The following CTNND2 variants were observed in gnomAD, a reference collection of about 807,000 sequenced individuals.
CTNND2 encodes the protein catenin delta-2.
A neutral mutation model predicts 144.4 loss-of-function variants in CTNND2; 22 were observed. That is an observed-to-expected ratio of 0.15 (90% CI 0.11 to 0.22). The LOEUF is 0.22. CTNND2 is among the 10% of genes least tolerant of loss of function. The pLI is 1.00. For missense variants in CTNND2, 1,353 were observed against 1,618.8 expected (o/e 0.84, Z 2.82); for synonymous variants, 751 against 695.6 (o/e 1.08, Z -1.25).
At chr5:11,728,133 A>C (rs1455707272) in intron 2 of CTNND2, among the ~76,000 whole-genome samples, 1 of 152,160 alleles carries the variant, frequency 6.6e-6, no homozygotes, top group East Asian at 1.9e-4. Flanking sequence ...CATATGACAC[A>C]ACATATATAA....
At chr5:11,174,082 G>C (rs1006200876) in intron 11 of CTNND2, among the ~76,000 whole-genome samples, 1 of 152,174 alleles carries the variant, frequency 6.6e-6, no homozygotes, top group Admixed American at 6.5e-5. Context: ...TGGGGGTGCA[G>C]GGAGATGGAG....
chr5:11,448,267 G>C (rs988621480), intron 3 of CTNND2, among the ~76,000 whole-genome samples: 1 of 152,068 alleles, frequency 6.6e-6, no homozygotes, highest in Non-Finnish European at 1.5e-5. Context: ...GGAATACTGA[G>C]GTTATGAATT....
chr5:11,368,165 C>G (rs1757150626), intron 7 of CTNND2, among the ~76,000 whole-genome samples: 1 of 152,152 alleles, frequency 6.6e-6, no homozygotes, highest in African/African-American at 2.4e-5. Flanking sequence ...TGGAATTTCC[C>G]TAGATATGTT....
intron 2 of CTNND2, among the ~76,000 whole-genome samples, chr5:11,636,388 G>A (rs748580579): frequency 7.2e-5 from 11 of 152,022 alleles, no homozygotes; most frequent in African/African-American, 2.2e-4. Context: ...AGAATACAGC[G>A]CTTTGTTATA....
chr5:11,488,647 C>T (rs1769081697), intron 3 of CTNND2, among the ~76,000 whole-genome samples: 1 of 152,080 alleles, frequency 6.6e-6, no homozygotes, highest in African/African-American at 2.4e-5. Context: ...TAACTAGTAG[C>T]ATAATCAAAA....
At chr5:11,492,291 G>A (rs1278074719) in intron 3 of CTNND2, among the ~76,000 whole-genome samples, 1 of 152,186 alleles carries the variant, frequency 6.6e-6, no homozygotes, top group Non-Finnish European at 1.5e-5. Context: ...TTTTAGACTG[G>A]TGTTCTCGCC....
At chr5:11,262,761 C>CAAAAA (rs11289676) in intron 9 of CTNND2, among the ~76,000 whole-genome samples, 75 of 45,692 alleles carry the variant, frequency 1.6e-3, no homozygotes, top group South Asian at 2.9e-3. Flanking sequence ...GACTCTGTCT[C>CAAAAA]AAAAAAAAAA....
chr5:11,485,060 G>T (rs1355365429), intron 3 of CTNND2, among the ~76,000 whole-genome samples: 1 of 152,102 alleles, frequency 6.6e-6, no homozygotes, highest in Non-Finnish European at 1.5e-5. Flanking sequence ...TTCATGGCAG[G>T]TTACATAATA....
At chr5:11,879,389 A>ATATG (rs1735863364) in intron 1 of CTNND2, among the ~76,000 whole-genome samples, 1 of 145,896 alleles carries the variant, frequency 6.9e-6, no homozygotes, top group Non-Finnish European at 1.5e-5. Context: ...ATATACATAC[A>ATATG]TACACATATG....
intron 10 of CTNND2, among the ~76,000 whole-genome samples, chr5:11,231,173 T>C (rs780418716): frequency 2.6e-5 from 4 of 152,110 alleles, no homozygotes; most frequent in East Asian, 1.9e-4. Flanking sequence ...TCTGCCATGA[T>C]TGTAAGTTTT....
intron 9 of CTNND2, among the ~76,000 whole-genome samples, chr5:11,304,430 G>A (rs1372642962): frequency 6.6e-6 from 1 of 151,664 alleles, no homozygotes; most frequent in Non-Finnish European, 1.5e-5. Flanking sequence ...TCTCCCCCAT[G>A]CATAACACTA....
chr5:11,023,326 T>C (rs891450372), intron 16 of CTNND2, among the ~76,000 whole-genome samples: 4 of 152,198 alleles, frequency 2.6e-5, no homozygotes, highest in Non-Finnish European at 5.9e-5. Flanking sequence ...AGTGAATGTA[T>C]GGAAATGAAC....
At chr5:11,017,550 A>G (rs1741742668) in intron 18 of CTNND2, among the ~76,000 whole-genome samples, 1 of 146,952 alleles carries the variant, frequency 6.8e-6, no homozygotes, top group Non-Finnish European at 1.5e-5. Context: ...TTCCATATAT[A>G]AAGATATATA....
intron 1 of CTNND2, among the ~76,000 whole-genome samples, chr5:11,868,496 C>T (rs1795880915): frequency 1.3e-5 from 2 of 152,128 alleles, no homozygotes; most frequent in African/African-American, 4.8e-5. Context: ...TCCAACTCAA[C>T]AAGAAGAAGA....
In CTNND2 at chr5:11,117,446, C is replaced by G; in HGVS notation, c.2277+4G>C. On this transcript the variant is annotated splice_donor_region_variant and intron_variant, in intron 13 of 21. Transcript: ENST00000304623. ...CATGTTTAATCTATGCCAGCACAACCAACCTTGCTATCGATCTCACTGCTC... is the reference window on the plus strand; with the variant it reads ...CATGTTTAATCTATGCCAGCACAACGAACCTTGCTATCGATCTCACTGCTC... The G allele has an allele frequency of 6.2e-7, 1 of 1,611,770 alleles. No individual in the cohort carries two copies. Among genetic ancestry groups the G allele is most frequent in the Middle Eastern group, 1.7e-4 (1 of 6,060 alleles).
intron 17 of CTNND2, among the ~76,000 whole-genome samples, chr5:11,018,804 G>A (rs1741906880): frequency 6.6e-6 from 1 of 151,026 alleles, no homozygotes; most frequent in African/African-American, 2.4e-5. Flanking sequence ...TCTGCCTCGC[G>A]GGTTCAAGCG....
intron 2 of CTNND2, among the ~76,000 whole-genome samples, chr5:11,691,867 A>C (rs1217272545): frequency 6.6e-6 from 1 of 152,244 alleles, no homozygotes; most frequent in Non-Finnish European, 1.5e-5. Flanking sequence ...CTTCAGTCTA[A>C]GGCAAAGTGA....
At chr5:11,632,164 T>TAG (rs1781445830) in intron 2 of CTNND2, among the ~76,000 whole-genome samples, 1 of 152,156 alleles carries the variant, frequency 6.6e-6, no homozygotes, top group Non-Finnish European at 1.5e-5. Flanking sequence ...AAGAAAGAGA[T>TAG]AGCTAAGATG....
At chr5:11,234,160 T>A (rs1275522082) in intron 10 of CTNND2, among the ~76,000 whole-genome samples, 3 of 151,998 alleles carry the variant, frequency 2.0e-5, no homozygotes, top group Non-Finnish European at 4.4e-5. Flanking sequence ...AGCACACATA[T>A]GTACACACAC....
Sources: gnomAD v4.1 joint callset for allele counts (sites outside exome capture counted in the v4.1 genomes callset) on GRCh38, gnomAD v4.1.1 for gene constraint, MANE v1.5 for transcripts, NCBI Gene and HGNC (gene_info 2026-07-23, HGNC 2026-07-21) for gene names.